The following ALPK1 variants were observed in gnomAD, a reference collection of about 807,000 sequenced individuals.
The protein encoded by ALPK1 is alpha-protein kinase 1.
In ALPK1, 110 loss-of-function variants were observed where a neutral mutation model predicts 120.6. The observed-to-expected ratio is 0.91, with a 90% confidence interval of 0.78 to 1.07. The LOEUF (loss-of-function observed/expected upper bound fraction) is 1.07. ALPK1 is among the 50% of genes least tolerant of loss of function. The pLI is 0.00. For missense variants in ALPK1, 1,498 were observed against 1,483.9 expected (o/e 1.01, Z -0.16); for synonymous variants, 582 against 560.3 (o/e 1.04, Z -0.55).
At chr4:112,425,267 T>G (rs1037514360) in intron 6 of ALPK1, 1 of 167,782 alleles carries the variant, frequency 6.0e-6, no homozygotes, top group African/African-American at 2.4e-5. Flanking sequence ...GGGGTAACAG[T>G]GTAGAAATAC....
At chr4:112,333,025 T>C (rs903146162) in intron 2 of ALPK1, among the ~76,000 whole-genome samples, 1 of 152,210 alleles carries the variant, frequency 6.6e-6, no homozygotes, top group African/African-American at 2.4e-5. Flanking sequence ...ACCAACTCAG[T>C]TCTGGGAAGT....
intron 4 of ALPK1, among the ~76,000 whole-genome samples, chr4:112,394,756 T>C (rs1364891800): frequency 6.6e-6 from 1 of 152,156 alleles, no homozygotes; most frequent in Non-Finnish European, 1.5e-5. Flanking sequence ...GAATTTCATG[T>C]CTCCCCATAA....
intron 3 of ALPK1, 72 bp from the exon 4 acceptor site, chr4:112,382,326 C>A: frequency 1.2e-4 from 109 of 924,440 alleles, no homozygotes; most frequent in Middle Eastern, 4.1e-4. Flanking sequence ...TGAGGTGCTT[C>A]ATCATAACAT....
At chr4:112,359,677 GTGCGGC>G in intron 2 of ALPK1, 1 of 240,006 alleles carries the variant, frequency 4.2e-6, no homozygotes, top group Non-Finnish European at 8.5e-6. Flanking sequence ...GGGGAGGATG[GTGCGGC>G]TGCAGGGCGA....
At chr4:112,380,982 G>T (rs1397962787) in intron 3 of ALPK1, among the ~76,000 whole-genome samples, 1 of 152,224 alleles carries the variant, frequency 6.6e-6, no homozygotes, top group Non-Finnish European at 1.5e-5. Flanking sequence ...TGCATTGAGT[G>T]CTGAAGCCAG....
chr4:112,388,020 C>T (rs1404179696), intron 4 of ALPK1, among the ~76,000 whole-genome samples: 1 of 152,196 alleles, frequency 6.6e-6, no homozygotes, highest in African/African-American at 2.4e-5. Context: ...AGAGTGAGAA[C>T]ATGCGGTATT....
intron 1 of ALPK1, among the ~76,000 whole-genome samples, chr4:112,308,776 T>C (rs2110528557): frequency 6.6e-6 from 1 of 152,232 alleles, no homozygotes; most frequent in South Asian, 2.1e-4. Context: ...TCCAGCTTTG[T>C]TCTGTTGCTG....
rs147634595 is a variant in ALPK1, at chr4:112,429,238, C to T, written c.885C>T (p.Phe295=). The part of the protein sequence containing the change: ...AAAFSAYTPL[F]VLTAVNIRGT... ...CCTTCAGTGCCTATACGCCGCTCTT[C>T]GTGCTCACAGCTGTGGTAAACGAAT... Residue 295 remains phenylalanine (F), a synonymous_variant, in exon 10 of 16, where the codon TTC becomes TTT. Transcript: ENST00000650871. 78 of 1,612,156 alleles carry T rather than the reference C, an allele frequency of 4.8e-5. 1 individual carries two copies. The South Asian group carries it at 7.7e-4, about 16-fold the overall frequency.
rs924462626 is a variant in ALPK1 at position 112,441,057 on chromosome 4, G to T, written c.3679G>T (p.Glu1227Ter). Residue 1227 changes from glutamate to a stop codon, truncating the protein, a stop_gained, in exon 15 of 16, where the codon GAA becomes TAA. Coordinates refer to ENST00000650871, the MANE Select transcript of ALPK1 (RefSeq NM_025144.4). LOFTEE classifies it low-confidence loss of function (END_TRUNC). ...FFNNQHVECN[E>*]ICHRLSLTRP... ...TAATAACCAGCATGTGGAATGTAAT[G>T]AAATCTGCCATCGTCTTTCTTTGAC... 1.2e-6 allele frequency: 2 copies of T among 1,613,800 alleles called. No homozygotes were observed. Among genetic ancestry groups the T allele is most frequent in the Non-Finnish European group, 1.7e-6 (2 of 1,179,854 alleles).
At chr4:112,338,335 T>C (rs1335344815) in intron 2 of ALPK1, among the ~76,000 whole-genome samples, 1 of 152,246 alleles carries the variant, frequency 6.6e-6, no homozygotes, top group Non-Finnish European at 1.5e-5. Flanking sequence ...TTGAGTAAAA[T>C]ATCTTGAATA....
chr4:112,375,180 C>CTT (rs200078535), intron 2 of ALPK1, among the ~76,000 whole-genome samples: 4 of 127,348 alleles, frequency 3.1e-5, no homozygotes, highest in Non-Finnish European at 6.5e-5. Context: ...TGATGTTTTT[C>CTT]TTTTTTTTTT....
intron 2 of ALPK1, among the ~76,000 whole-genome samples, chr4:112,370,986 C>T (rs552542389): frequency 1.1e-3 from 167 of 152,246 alleles, no homozygotes; most frequent in Middle Eastern, 3.4e-3. Context: ...ATCTCTTCTA[C>T]GCTTCTTGTC....
intron 5 of ALPK1, among the ~76,000 whole-genome samples, chr4:112,421,431 G>A (rs749268208): frequency 2.0e-5 from 3 of 152,120 alleles, no homozygotes; most frequent in African/African-American, 4.8e-5. Context: ...TTACAGCCAC[G>A]CCCTTGGTTT....
rs760463685 is a variant in ALPK1, at chr4:112,431,765, AAAG to A, written c.2225_2227del (p.Glu742del). ...TATGGGCACACATCCTTCAGTCCAA[AAAG>A]AAGAAGCCTTTGAAATAATTGTTGA... On this transcript the variant is annotated inframe_deletion, in exon 11 of 16. Coordinates refer to ENST00000650871, the MANE Select transcript of ALPK1 (RefSeq NM_025144.4). 5 of 1,614,174 alleles carry A rather than the reference AAAG, an allele frequency of 3.1e-6. No individual in the cohort carries two copies. The highest frequency in any genetic ancestry group is 1.3e-5 in the African/African-American group (1 of 75,026).
chr4:112,323,021 C>G (rs915337434), intron 2 of ALPK1, among the ~76,000 whole-genome samples: 1 of 152,198 alleles, frequency 6.6e-6, no homozygotes, highest in Non-Finnish European at 1.5e-5. Context: ...CCCTGAGAAC[C>G]TGGACTTCCT....
intron 2 of ALPK1, chr4:112,356,345 G>T (rs747117325): frequency 1.6e-5 from 14 of 868,658 alleles, no homozygotes; most frequent in Non-Finnish European, 1.8e-5. Flanking sequence ...CTGCAATTTT[G>T]CCGATAGGGT....
intron 4 of ALPK1, among the ~76,000 whole-genome samples, chr4:112,390,974 A>T (rs943613890): frequency 6.6e-6 from 1 of 152,232 alleles, no homozygotes; most frequent in Non-Finnish European, 1.5e-5. Flanking sequence ...AAGTGGAAAG[A>T]GGAAGCATAT....
chr4:112,431,637 G>A lies in ALPK1; in HGVS notation c.2090G>A (p.Gly697Asp), dbSNP rs1734559557. 1.2e-6 allele frequency: 2 copies of A among 1,614,166 alleles called. No individual in the cohort carries two copies. Among genetic ancestry groups the A allele is most frequent in the Non-Finnish European group, 1.7e-6 (2 of 1,180,030 alleles). The change falls in exon 11 of 16, where the codon GGT (glycine) becomes GAT (aspartate). Residue 697 changes from glycine to aspartate, a missense_variant. By Grantham distance (94) the Gly-to-Asp change is moderately conservative (BLOSUM62 -1). Transcript: ENST00000650871. The stretch of plus-strand genomic sequence containing the variant: ...GGGCTTCTAGAAGGAGCTCCAGAAG[G>A]TATCCAGGAAGTCAGAAATATGGGA... Reference protein sequence around the residue: ...GAGLLEGAPEGIQEVRNMGPR... With the variant: ...GAGLLEGAPEDIQEVRNMGPR...
chr4:112,417,312 A>G (rs1168145743), intron 5 of ALPK1, among the ~76,000 whole-genome samples: 1 of 152,218 alleles, frequency 6.6e-6, no homozygotes, highest in East Asian at 1.9e-4. Flanking sequence ...TGGTAAATAC[A>G]TTTAGCCATA....
Sources: allele counts gnomAD v4.1 joint callset (sites outside exome capture counted in the v4.1 genomes callset), GRCh38; gene constraint gnomAD v4.1.1; transcripts MANE v1.5; gene names NCBI Gene and HGNC (gene_info 2026-07-23, HGNC 2026-07-21).